Variants in UNC13C observed in about 807,000 individuals in gnomAD.
UNC13C encodes unc-13 homolog C.
In UNC13C, 174 loss-of-function variants were observed where a neutral mutation model predicts 245.4. That is an observed-to-expected ratio of 0.71 (90% CI 0.63 to 0.80). The LOEUF (loss-of-function observed/expected upper bound fraction) is 0.80. UNC13C is among the 30% of genes least tolerant of loss of function. The pLI, the probability that UNC13C is intolerant of heterozygous loss-of-function variation, is 0.00. For synonymous variants in UNC13C, 992 were observed against 895.1 expected, an observed-to-expected ratio of 1.11 and a Z score of -1.93; for missense variants, 2,829 against 2,602.9, an observed-to-expected ratio of 1.09 and a Z score of -1.89.
intron 4 of UNC13C, among the ~76,000 whole-genome samples, chr15:54,173,568 G>A (rs2033496472): frequency 6.6e-6 from 1 of 151,880 alleles, no homozygotes; most frequent in South Asian, 2.1e-4. Context: ...TATTGATCTT[G>A]TATTCTGCAA....
At chr15:54,205,178 A>G (rs541773788) in intron 4 of UNC13C, among the ~76,000 whole-genome samples, 23 of 152,074 alleles carry the variant, frequency 1.5e-4, no homozygotes, top group African/African-American at 5.3e-4. Flanking sequence ...ATGGTGAAAG[A>G]AAAAATGATT....
chr15:53,864,833 G>A, the UNC13C span, among the ~76,000 whole-genome samples: 1 of 152,186 alleles, frequency 6.6e-6, no homozygotes, highest in African/African-American at 2.4e-5. Context: ...AAGCATGAAA[G>A]GCAGTTGTTT....
intron 24 of UNC13C, among the ~76,000 whole-genome samples, chr15:54,520,336 C>A (rs1056327079): frequency 1.3e-5 from 2 of 152,164 alleles, no homozygotes; most frequent in South Asian, 4.2e-4. Flanking sequence ...TTAACCAAAT[C>A]AGAGGAAATA....
intron 2 of UNC13C, among the ~76,000 whole-genome samples, chr15:54,037,005 C>T (rs1896602769): frequency 6.6e-6 from 1 of 152,202 alleles, no homozygotes; most frequent in Admixed American, 6.5e-5. Context: ...AATGGGCCTG[C>T]TGTGGATACT....
At chr15:54,238,823 G>C (rs1440845005) in intron 7 of UNC13C, among the ~76,000 whole-genome samples, 1 of 152,170 alleles carries the variant, frequency 6.6e-6, no homozygotes, top group Non-Finnish European at 1.5e-5. Flanking sequence ...GAAGATACAA[G>C]TAGGCTGTAA....
the UNC13C span, among the ~76,000 whole-genome samples, chr15:53,922,222 A>T: frequency 1.3e-5 from 2 of 152,230 alleles, no homozygotes; most frequent in Non-Finnish European, 2.9e-5. Flanking sequence ...TGGAAAGTCA[A>T]ATAAATTCTC....
At chr15:54,242,433 T>A (rs2035878431) in intron 7 of UNC13C, among the ~76,000 whole-genome samples, 1 of 152,170 alleles carries the variant, frequency 6.6e-6, no homozygotes, top group African/African-American at 2.4e-5. Flanking sequence ...TACCATCAAA[T>A]TGTTTATATA....
chr15:54,206,924 A>G (rs984816683), intron 4 of UNC13C, among the ~76,000 whole-genome samples: 13 of 152,112 alleles, frequency 8.5e-5, no homozygotes, highest in African/African-American at 7.2e-5. Context: ...TAGATCGCCA[A>G]AAGAAAGCAC....
intron 30 of UNC13C, among the ~76,000 whole-genome samples, chr15:54,581,614 G>C (rs1442778383): frequency 6.6e-6 from 1 of 152,150 alleles, no homozygotes; most frequent in Non-Finnish European, 1.5e-5. Flanking sequence ...TTTAACCTTA[G>C]TTATTTCCTT....
intron 29 of UNC13C, among the ~76,000 whole-genome samples, chr15:54,560,292 A>C (rs1237196909): frequency 2.6e-5 from 4 of 152,004 alleles, no homozygotes; most frequent in Non-Finnish European, 4.4e-5. Context: ...CCCATGAGTC[A>C]GTAAAAATAT....
At chr15:54,206,494 T>C (rs2079442141) in intron 4 of UNC13C, among the ~76,000 whole-genome samples, 1 of 152,116 alleles carries the variant, frequency 6.6e-6, no homozygotes. Context: ...TTTTGACTTT[T>C]AAATGGCTAA....
intron 10 of UNC13C, among the ~76,000 whole-genome samples, chr15:54,293,534 T>G (rs1004542685): frequency 6.6e-6 from 1 of 152,040 alleles, no homozygotes; most frequent in Non-Finnish European, 1.5e-5. Context: ...GCTTTATTTT[T>G]ATGGTGAAGA....
chr15:54,245,475 T>G lies in UNC13C; in HGVS notation c.3229-4750T>G, dbSNP rs1370240273. 3.9e-5 allele frequency among the ~76,000 whole-genome samples: 6 copies of G among 152,114 alleles called. 1 individual carries two copies. The highest frequency in any genetic ancestry group is 8.8e-5 in the Non-Finnish European group (6 of 67,990). On this transcript the variant is annotated intron_variant, in intron 7 of 32. Transcript: ENST00000260323. ...CATTCTCACATAGATAGGATATAAC[T>G]TTTAGTCTTTGTTTGTACTTTCTGC...
intron 1 of UNC13C, among the ~76,000 whole-genome samples, chr15:53,997,258 A>G (rs115573839): frequency 0.01 from 1,560 of 151,938 alleles, 29 homozygotes; most frequent in African/African-American, 0.037. Context: ...TTTTGTTTAT[A>G]TTGTATTTTT....
At chr15:54,427,262 C>G (rs1040219994) in intron 19 of UNC13C, among the ~76,000 whole-genome samples, 4 of 151,702 alleles carry the variant, frequency 2.6e-5, no homozygotes, top group Admixed American at 2.6e-4. Flanking sequence ...GGGGGCTGGT[C>G]TTTCCCATGC....
intron 4 of UNC13C, among the ~76,000 whole-genome samples, chr15:54,210,237 A>T (rs889750908): frequency 3.4e-5 from 5 of 146,192 alleles, no homozygotes; most frequent in South Asian, 2.2e-4. Context: ...TAACTGCATT[A>T]ATATATATAT....
intron 2 of UNC13C, among the ~76,000 whole-genome samples, chr15:54,080,499 C>A (rs1361419828): frequency 6.6e-6 from 1 of 151,806 alleles, no homozygotes; most frequent in Non-Finnish European, 1.5e-5. Flanking sequence ...ATTTCTATAA[C>A]TTGTTATTAG....
chr15:54,140,635 G>A lies in UNC13C; in HGVS notation c.2984-2383G>A, dbSNP rs545049272. Among the ~76,000 whole-genome samples the A allele has an allele frequency of 1.2e-4, 18 of 152,330 alleles. No individual in the cohort carries two copies. The East Asian group carries it at 3.3e-3, about 28-fold the overall frequency. On this transcript the variant is annotated intron_variant, in intron 2 of 32. Coordinates refer to ENST00000260323, the MANE Select transcript of UNC13C (RefSeq NM_001080534.3). ...GTCAGCTCCATGAGGATGGAGAACA[G>A]TTGTTTCACAGGGAGGAAACAGCAA...
the UNC13C span, among the ~76,000 whole-genome samples, chr15:53,845,884 T>G: frequency 7.9e-5 from 12 of 152,060 alleles, no homozygotes; most frequent in Non-Finnish European, 1.5e-4. Context: ...CATAAACAGT[T>G]CCCCGCTTAG....
Sources: allele counts gnomAD v4.1 joint callset (sites outside exome capture counted in the v4.1 genomes callset), GRCh38; gene constraint gnomAD v4.1.1; transcripts MANE v1.5; gene names NCBI Gene and HGNC (gene_info 2026-07-23, HGNC 2026-07-21).